The following ARHGAP11B variants were observed in gnomAD, a reference collection of about 807,000 sequenced individuals.
The protein encoded by ARHGAP11B is inactive Rho GTPase-activating protein 11B.
In ARHGAP11B, 14 loss-of-function variants were observed where a neutral mutation model predicts 27.6. The ratio of observed to expected loss-of-function variants is 0.51; its 90% CI spans 0.34 to 0.79. The LOEUF (loss-of-function observed/expected upper bound fraction) is 0.79, where lower values mean the gene tolerates loss of function less well. Among genes scored for constraint, ARHGAP11B ranks in the 30% least tolerant of loss-of-function variants. ARHGAP11B has a pLI of 0.02. For missense variants in ARHGAP11B, 245 were observed against 320.1 expected (o/e 0.77, Z 1.79); for synonymous variants, 82 against 114.1 (o/e 0.72, Z 1.80).
chr15:30,631,460 A>T (rs1567511172), intron 2 of ARHGAP11B, among the ~76,000 whole-genome samples: 3 of 152,052 alleles, frequency 2.0e-5, no homozygotes, highest in Non-Finnish European at 4.4e-5. Context: ...CAGGATTTTG[A>T]GACCAGTCTG....
chr15:30,637,322 T>C (rs1000867529), intron 6 of ARHGAP11B, among the ~76,000 whole-genome samples: 1 of 152,108 alleles, frequency 6.6e-6, no homozygotes, highest in African/African-American at 2.4e-5. Flanking sequence ...AGCACCACTA[T>C]TCCCTAGATA....
intron 7 of ARHGAP11B, among the ~76,000 whole-genome samples, chr15:30,642,914 G>C (rs1038465803): frequency 3.9e-5 from 6 of 151,998 alleles, no homozygotes; most frequent in Admixed American, 1.3e-4. Flanking sequence ...TTCGGTTGTT[G>C]CTTGGGATAG....
chr15:30,641,202 C>T (rs1332731469), intron 7 of ARHGAP11B, among the ~76,000 whole-genome samples: 1 of 151,970 alleles, frequency 6.6e-6, no homozygotes, highest in Non-Finnish European at 1.5e-5. Flanking sequence ...TTCTCAGCCA[C>T]AATTCAACAA....
At chr15:30,626,436 T>G in exon 1 of ARHGAP11B, 3 of 211,852 alleles carry the variant, frequency 1.4e-5, no homozygotes, top group Non-Finnish European at 1.9e-5. Context: ...AGACGGACAG[T>G]AAGGTTTGGA....
chr15:30,631,103 A>G, intron 2 of ARHGAP11B, among the ~76,000 whole-genome samples: 1 of 151,396 alleles, frequency 6.6e-6, no homozygotes, highest in East Asian at 1.9e-4. Context: ...TGATTAAAAC[A>G]TAATTGTTTC....
chr15:30,634,494 T>G, intron 4 of ARHGAP11B, 71 bp downstream of exon 4: 1 of 1,456,656 alleles, frequency 6.9e-7, no homozygotes, highest in Non-Finnish European at 9.3e-7. Flanking sequence ...CTTGTAGATA[T>G]GTACAATTTC....
intron 6 of ARHGAP11B, among the ~76,000 whole-genome samples, chr15:30,637,968 C>T (rs148324272): frequency 2.6e-5 from 4 of 151,482 alleles, no homozygotes; most frequent in Non-Finnish European, 4.4e-5. Context: ...TACAGGTGCA[C>T]GCTACCATGC....
chr15:30,640,259 A>G (rs1244226118), intron 7 of ARHGAP11B, among the ~76,000 whole-genome samples: 2 of 121,192 alleles, frequency 1.7e-5, no homozygotes, highest in African/African-American at 6.3e-5. Context: ...GGGTATTTTT[A>G]AAGTTTTAGA....
At chr15:30,640,014 T>TGTGTC (rs2060306085) in intron 7 of ARHGAP11B, among the ~76,000 whole-genome samples, 4 of 118,602 alleles carry the variant, frequency 3.4e-5, no homozygotes, top group African/African-American at 1.0e-4. Flanking sequence ...GTGTGTGTGT[T>TGTGTC]ATGACAACAT....
chr15:30,644,114 A>T (rs2060331170), intron 7 of ARHGAP11B, among the ~76,000 whole-genome samples: 1 of 151,558 alleles, frequency 6.6e-6, no homozygotes, highest in African/African-American at 2.4e-5. Flanking sequence ...TATTCTCTAA[A>T]CTACTATTTA....
At chr15:30,643,842 A>G (rs2060329250) in intron 7 of ARHGAP11B, among the ~76,000 whole-genome samples, 1 of 152,070 alleles carries the variant, frequency 6.6e-6, no homozygotes, top group African/African-American at 2.4e-5. Flanking sequence ...GTTTTGCAGA[A>G]GTTAGGTATA....
At chr15:30,642,016 G>C (rs983026605) in intron 7 of ARHGAP11B, among the ~76,000 whole-genome samples, 2 of 151,946 alleles carry the variant, frequency 1.3e-5, no homozygotes, top group African/African-American at 4.8e-5. Context: ...GTGCCTGGCT[G>C]GACACATTTT....
chr15:30,626,314 G>T (rs2140884639), exon 1 of ARHGAP11B: 1 of 153,354 alleles, frequency 6.5e-6, no homozygotes, highest in African/African-American at 2.4e-5. Context: ...TGGAAGAGTT[G>T]CCTGAGCAGC....
At chr15:30,628,176 G>T (rs1183983558) in intron 1 of ARHGAP11B, among the ~76,000 whole-genome samples, 1 of 151,668 alleles carries the variant, frequency 6.6e-6, no homozygotes, top group Non-Finnish European at 1.5e-5. Flanking sequence ...CGCCTCCCGG[G>T]TTCACGCCAT....
chr15:30,647,247 C>A (rs1327586266), intron 9 of ARHGAP11B, among the ~76,000 whole-genome samples: 1 of 151,492 alleles, frequency 6.6e-6, no homozygotes, highest in Admixed American at 6.6e-5. Context: ...TCTTTGGGCT[C>A]ATGTTTAGCA....
chr15:30,630,161 T>G (rs1420919376), intron 1 of ARHGAP11B, among the ~76,000 whole-genome samples: 1 of 152,136 alleles, frequency 6.6e-6, no homozygotes, highest in African/African-American at 2.4e-5. Flanking sequence ...AAAAGCACTC[T>G]TCTATAGAAG....
intron 2 of ARHGAP11B, among the ~76,000 whole-genome samples, chr15:30,632,316 G>A (rs1478529999): frequency 4.2e-5 from 6 of 143,884 alleles, no homozygotes; most frequent in Non-Finnish European, 6.1e-5. Flanking sequence ...AGCTAGTCGG[G>A]AGGCTGAGGT....
chr15:30,643,822 A>G (rs1279067213), intron 7 of ARHGAP11B, among the ~76,000 whole-genome samples: 1 of 152,092 alleles, frequency 6.6e-6, no homozygotes, highest in Admixed American at 6.6e-5. Flanking sequence ...AAGAAATATT[A>G]CATATAGAAG....
In ARHGAP11B at chr15:30,633,593, A is replaced by G; in HGVS notation, c.297+7A>G. ...TCGCCTAAAAGCACTAAAGGTGAGC[A>G]TATTGTTGAACTATAATTTTTCATT... is the stretch of plus-strand genomic sequence containing the variant. On this transcript the variant is annotated splice_region_variant and intron_variant, in intron 3 of 10. Coordinates refer to ENST00000428041, the Ensembl canonical transcript of ARHGAP11B. The G allele has an allele frequency of 6.2e-7, 1 of 1,602,082 alleles. No individual in the cohort carries two copies.
Sources: gnomAD v4.1 joint callset for allele counts (sites outside exome capture counted in the v4.1 genomes callset) on GRCh38, gnomAD v4.1.1 for gene constraint, MANE v1.5 for transcripts, NCBI Gene and HGNC (gene_info 2026-07-23, HGNC 2026-07-21) for gene names.